Variants in FARS2 observed in about 807,000 individuals in gnomAD.
FARS2 encodes phenylalanine--tRNA ligase, mitochondrial.
FARS2 carries 40 observed loss-of-function variants against 46.4 expected under a neutral mutation model. That is an observed-to-expected ratio of 0.86 (90% CI 0.67 to 1.12). FARS2 has a LOEUF of 1.12. Among genes scored for constraint, FARS2 ranks in the 50% most tolerant of loss-of-function variants. The pLI, the probability that FARS2 is intolerant of heterozygous loss-of-function variation, is 0.00. For synonymous variants in FARS2, 234 were observed against 214.9 expected, an observed-to-expected ratio of 1.09 and a Z score of -0.78; for missense variants, 513 against 567.9, an observed-to-expected ratio of 0.90 and a Z score of 0.98.
chr6:5,673,433 C>G (rs1370628755), intron 6 of FARS2, among the ~76,000 whole-genome samples: 1 of 152,178 alleles, frequency 6.6e-6, no homozygotes, highest in Non-Finnish European at 1.5e-5. Flanking sequence ...TTGGGCCTGT[C>G]CATCCTGGTG....
rs200898031 is a variant in FARS2 at position 5,607,285 on chromosome 6, ATGTGTGTGTG to A, written c.1066-5848_1066-5839del. Among the ~76,000 whole-genome samples the A allele has an allele frequency of 3.9e-3, 289 of 75,048 alleles. 5 individuals carry two copies. Among genetic ancestry groups the A allele is most frequent in the South Asian group, 0.025 (43 of 1,698 alleles). The allele number at this position is 75,048 out of a possible 152,430, so 49.2% of individuals were successfully genotyped here. A position where few individuals can be genotyped will look rare whatever the true frequency, so the allele number is the denominator to read the frequency against. ...AACAATTTATTAAAGAATAATATGTATGTGTGTGTGTGTGTGTGTGTGTGTGTGTGTGTGT... is the reference window on the plus strand; with the variant it reads ...AACAATTTATTAAAGAATAATATGTATGTGTGTGTGTGTGTGTGTGTGTGT... On this transcript the variant is annotated intron_variant, in intron 5 of 6. Transcript: ENST00000274680.
rs1766639538 is a variant in FARS2, at chr6:5,484,141, AG to A, written c.904+52971del. Among the ~76,000 whole-genome samples the A allele has an allele frequency of 2.0e-5, 3 of 152,340 alleles. No individual in the cohort carries two copies. The South Asian group carries it at 6.2e-4, about 32-fold the overall frequency. On this transcript the variant is annotated intron_variant, in intron 4 of 6. Coordinates refer to ENST00000274680, the MANE Select transcript of FARS2 (RefSeq NM_006567.5). ...ACAAAAACAAAAGTGAAAAACGTTC[AG>A]GCAAACACATAAATAAGTGATTCCA...
chr6:5,524,759 A>G (rs1256441619), intron 4 of FARS2, among the ~76,000 whole-genome samples: 1 of 152,200 alleles, frequency 6.6e-6, no homozygotes, highest in Non-Finnish European at 1.5e-5. Context: ...CCAGCCAGTA[A>G]ATGGTGTAGC....
At chr6:5,253,690 A>G in the FARS2 span, among the ~76,000 whole-genome samples, 1 of 152,144 alleles carries the variant, frequency 6.6e-6, no homozygotes, top group Non-Finnish European at 1.5e-5. Context: ...GTCACCGACC[A>G]ATTGAGAGCA....
intron 6 of FARS2, among the ~76,000 whole-genome samples, chr6:5,761,995 T>C (rs916773055): frequency 6.6e-6 from 1 of 152,186 alleles, no homozygotes; most frequent in Non-Finnish European, 1.5e-5. Flanking sequence ...TTCAATATAA[T>C]GTGGGTTCCC....
chr6:5,272,399 C>G (rs1194430693), intron 1 of FARS2: 1 of 151,968 alleles, frequency 6.6e-6, no homozygotes, highest in East Asian at 1.9e-4. Flanking sequence ...TAACCACTAT[C>G]TTATGCGGAA....
intron 1 of FARS2, among the ~76,000 whole-genome samples, chr6:5,346,928 A>C (rs1302623251): frequency 7.1e-6 from 1 of 140,166 alleles, no homozygotes; most frequent in Admixed American, 7.1e-5. Flanking sequence ...TTTTTTTTTT[A>C]ATTGAGATGG....
At chr6:5,684,480 G>A (rs1177238663) in intron 6 of FARS2, among the ~76,000 whole-genome samples, 2 of 152,166 alleles carry the variant, frequency 1.3e-5, no homozygotes, top group African/African-American at 2.4e-5. Context: ...AAGGTGATTC[G>A]CTTGTTTTCA....
At chr6:5,711,440 C>T (rs1284188645) in intron 6 of FARS2, among the ~76,000 whole-genome samples, 2 of 152,076 alleles carry the variant, frequency 1.3e-5, no homozygotes, top group African/African-American at 2.4e-5. Flanking sequence ...CCAGAGAGAA[C>T]GGGTTGGAAA....
intron 4 of FARS2, among the ~76,000 whole-genome samples, chr6:5,521,371 G>GAA (rs71657436): frequency 1.1e-4 from 14 of 124,102 alleles, no homozygotes; most frequent in Non-Finnish European, 1.6e-4. Context: ...TTTCTACTAA[G>GAA]AAAAAAAAAA....
chr6:5,717,925 T>TAGAGAGAGAGAGAGAGAGAGAG (rs759754794), intron 6 of FARS2, among the ~76,000 whole-genome samples: 44 of 45,590 alleles, frequency 9.7e-4, no homozygotes, highest in African/African-American at 4.7e-3. Context: ...TATATATATA[T>TAGAGAGAGAGAGAGAGAGAGAG]ATATATATAT....
intron 4 of FARS2, among the ~76,000 whole-genome samples, chr6:5,536,661 G>A (rs1221778644): frequency 6.6e-6 from 1 of 152,136 alleles, no homozygotes; most frequent in Non-Finnish European, 1.5e-5. Context: ...ATGTAGCCTG[G>A]TGTCCATGTA....
At chr6:5,272,134 G>T (rs989236780) in intron 1 of FARS2, among the ~76,000 whole-genome samples, 8 of 152,114 alleles carry the variant, frequency 5.3e-5, no homozygotes, top group African/African-American at 1.9e-4. Flanking sequence ...CTGCATACAC[G>T]CTACCTGCCC....
chr6:5,660,403 T>C (rs1175639528), intron 6 of FARS2, among the ~76,000 whole-genome samples: 3 of 152,072 alleles, frequency 2.0e-5, no homozygotes, highest in Admixed American at 6.5e-5. Flanking sequence ...TCCAATACTT[T>C]GGGAGACTGA....
At chr6:5,579,098 T>A (rs1039457323) in intron 5 of FARS2, among the ~76,000 whole-genome samples, 34 of 152,218 alleles carry the variant, frequency 2.2e-4, no homozygotes, top group Non-Finnish European at 2.1e-4. Context: ...GTTTATTAAA[T>A]AAATGCTTTA....
At chr6:5,400,333 G>A (rs1761179908) in intron 2 of FARS2, among the ~76,000 whole-genome samples, 1 of 151,456 alleles carries the variant, frequency 6.6e-6, no homozygotes, top group Admixed American at 6.6e-5. Flanking sequence ...GTTTCTTTAC[G>A]TTAGTGGTAT....
intron 1 of FARS2, among the ~76,000 whole-genome samples, chr6:5,314,724 G>C (rs114246906): frequency 6.6e-6 from 1 of 152,130 alleles, no homozygotes; most frequent in African/African-American, 2.4e-5. Flanking sequence ...GCAGGTCCTC[G>C]TCGATATGGG....
At chr6:5,690,989 T>G (rs951058539) in intron 6 of FARS2, among the ~76,000 whole-genome samples, 1 of 152,242 alleles carries the variant, frequency 6.6e-6, no homozygotes, top group African/African-American at 2.4e-5. Flanking sequence ...TTTGATCGAA[T>G]CGGCTACCGA....
chr6:5,499,925 T>A (rs1264768833), intron 4 of FARS2, among the ~76,000 whole-genome samples: 1 of 152,252 alleles, frequency 6.6e-6, no homozygotes, highest in Non-Finnish European at 1.5e-5. Context: ...CCTGTATGGT[T>A]GCTGCCTTTT....
Sources: gnomAD v4.1 joint callset for allele counts (sites outside exome capture counted in the v4.1 genomes callset) on GRCh38, gnomAD v4.1.1 for gene constraint, MANE v1.5 for transcripts, NCBI Gene and HGNC (gene_info 2026-07-23, HGNC 2026-07-21) for gene names.